The following PARD3B variants were observed in gnomAD, a reference collection of about 807,000 sequenced individuals.
PARD3B encodes par-3 family cell polarity regulator beta.
A neutral mutation model predicts 130.2 loss-of-function variants in PARD3B; 103 were observed. That is an observed-to-expected ratio of 0.79 (90% CI 0.67 to 0.93). The LOEUF is 0.93. Ranked by LOEUF, PARD3B falls within the 40% of genes least tolerant of loss-of-function variation. The pLI, the probability that PARD3B is intolerant of heterozygous loss-of-function variation, is 0.00. For synonymous variants in PARD3B, 583 were observed against 553.2 expected, an observed-to-expected ratio of 1.05 and a Z score of -0.76; for missense variants, 1,609 against 1,499.2, an observed-to-expected ratio of 1.07 and a Z score of -1.21.
At chr2:204,734,428 A>G (rs1403664020) in intron 2 of PARD3B, among the ~76,000 whole-genome samples, 3 of 152,180 alleles carry the variant, frequency 2.0e-5, no homozygotes, top group Admixed American at 6.6e-5. Context: ...AATGAAACTT[A>G]TGGTCCCACA....
intron 2 of PARD3B, among the ~76,000 whole-genome samples, chr2:204,704,531 TA>T (rs2125283902): frequency 6.6e-6 from 1 of 152,272 alleles, no homozygotes; most frequent in Non-Finnish European, 1.5e-5. Context: ...ATCAAACAGT[TA>T]AAGGTGGAAA....
Position 205,253,591 on chromosome 2 carries a change from AAGAC to A in PARD3B, c.2185+7773_2185+7776del, listed in dbSNP as rs1490717486. On this transcript the variant is annotated intron_variant, in intron 16 of 22. Coordinates refer to ENST00000406610, the MANE Select transcript of PARD3B (RefSeq NM_001302769.2). The surrounding 1 kb of genome is among the most constrained non-coding windows in gnomAD (Gnocchi z 4.4). ...CTCTGCCTCTTCAGAGCCCAGCAGA[AAGAC>A]AGAGAAAGAAGCCTCCTTGGGGTTC... The A allele has an allele frequency of 5.0e-6, 2 of 403,298 alleles. No homozygotes were observed. The highest frequency in any genetic ancestry group is 3.3e-5 in the Admixed American group (1 of 30,268). 25.0% of individuals were successfully genotyped at this position (403,298 alleles called of 1,614,324 possible). A position where few individuals can be genotyped will look rare whatever the true frequency, so the allele number is the denominator to read the frequency against.
At chr2:204,902,357 A>G (rs2046891303) in intron 2 of PARD3B, among the ~76,000 whole-genome samples, 1 of 151,692 alleles carries the variant, frequency 6.6e-6, no homozygotes, top group South Asian at 2.1e-4. Flanking sequence ...GAATAGCTAG[A>G]CGTTTTTAAG....
rs57423410 is a variant in PARD3B, at chr2:205,473,701, TATATATATAC to T, written c.3045-26193_3045-26184del. On this transcript the variant is annotated intron_variant, in intron 20 of 22. Coordinates refer to ENST00000406610, the MANE Select transcript of PARD3B (RefSeq NM_001302769.2). The surrounding 1 kb of genome is among the most constrained non-coding windows in gnomAD (Gnocchi z 4.9). ...GTGTGTATGTATATATATATATATATATATATATACACACACACGTATATAAAACCCTAAA... is the reference window on the plus strand; with the variant it reads ...GTGTGTATGTATATATATATATATATACACACACGTATATAAAACCCTAAA... Among the ~76,000 whole-genome samples, 1,307 of 126,980 alleles carry T rather than the reference TATATATATAC, an allele frequency of 0.01. 17 individuals are homozygous for T. Among genetic ancestry groups the T allele is most frequent in the African/African-American group, 0.043 (1,194 of 27,796 alleles). 83.3% of individuals were successfully genotyped at this position (126,980 alleles called of 152,430 possible).
Position 205,036,248 on chromosome 2 carries a change from T to C in PARD3B, c.395-11333T>C, listed in dbSNP as rs181218673. ...ATATAGTGGGCTATATATATAAATATATGTATATAGTGGGCTATATATATA... is the reference window on the plus strand; with the variant it reads ...ATATAGTGGGCTATATATATAAATACATGTATATAGTGGGCTATATATATA... On this transcript the variant is annotated intron_variant, in intron 3 of 22. Transcript: ENST00000406610. Among the ~76,000 whole-genome samples the C allele has an allele frequency of 3.0e-3, 440 of 146,524 alleles. 3 individuals are homozygous for C. The highest frequency in any genetic ancestry group is 0.01 in the African/African-American group (406 of 40,276).
chr2:204,621,671 T>G (rs1459680240), intron 1 of PARD3B, among the ~76,000 whole-genome samples: 1 of 152,226 alleles, frequency 6.6e-6, no homozygotes, highest in Non-Finnish European at 1.5e-5. Flanking sequence ...TAGAAACCTT[T>G]TATCTAGTTT....
intron 19 of PARD3B, among the ~76,000 whole-genome samples, chr2:205,415,192 GC>G (rs1335373160): frequency 6.6e-6 from 1 of 152,074 alleles, no homozygotes; most frequent in Non-Finnish European, 1.5e-5. Flanking sequence ...ATAGTTCACT[GC>G]TTTTGACAAT....
In PARD3B at chr2:205,282,081, G is replaced by A. The variant is rs151039164; in HGVS notation, c.2186-18449G>A. On this transcript the variant is annotated intron_variant, in intron 16 of 22. Coordinates refer to ENST00000406610, the MANE Select transcript of PARD3B (RefSeq NM_001302769.2). ...TGGAAAAACTCTTAATACAGCATTA[G>A]GGAGGTTATATAAGCAAAGAATGAT... 5.7e-3 allele frequency among the ~76,000 whole-genome samples: 860 copies of A among 152,042 alleles called. 7 individuals carry two copies. The highest frequency in any genetic ancestry group is 0.02 in the African/African-American group (825 of 41,446).
At chr2:205,157,909 C>G (rs2034277739) in intron 10 of PARD3B, among the ~76,000 whole-genome samples, 1 of 152,284 alleles carries the variant, frequency 6.6e-6, no homozygotes, top group East Asian at 1.9e-4. Flanking sequence ...ATATGATTAA[C>G]CACATACTTC....
At chr2:205,510,914 G>A (rs1022031152) in intron 21 of PARD3B, among the ~76,000 whole-genome samples, 2 of 152,168 alleles carry the variant, frequency 1.3e-5, no homozygotes, top group Non-Finnish European at 2.9e-5. Flanking sequence ...TTTTATAGAT[G>A]AGAAAACAAA....
chr2:205,054,436 A>ATATATATATT (rs1411271901), intron 4 of PARD3B, among the ~76,000 whole-genome samples: 2 of 28,440 alleles, frequency 7.0e-5, no homozygotes, highest in African/African-American at 3.0e-4. Flanking sequence ...ATATATATAT[A>ATATATATATT]TTTTTTTTTT....
At chr2:204,966,246 A>G (rs1367064134) in intron 3 of PARD3B, among the ~76,000 whole-genome samples, 1 of 152,240 alleles carries the variant, frequency 6.6e-6, no homozygotes, top group Non-Finnish European at 1.5e-5. Flanking sequence ...CTGACAATCC[A>G]TATTTTGTAC....
intron 2 of PARD3B, among the ~76,000 whole-genome samples, chr2:204,712,030 G>A (rs1001679399): frequency 6.6e-6 from 1 of 152,046 alleles, no homozygotes; most frequent in Non-Finnish European, 1.5e-5. Context: ...ACTTTTGTTT[G>A]GTAGGAAAAT....
At chr2:204,717,700 C>T (rs1324092515) in intron 2 of PARD3B, among the ~76,000 whole-genome samples, 1 of 152,154 alleles carries the variant, frequency 6.6e-6, no homozygotes, top group East Asian at 1.9e-4. Context: ...TGGGTAGTCA[C>T]AGAGCCAAAT....
intron 4 of PARD3B, among the ~76,000 whole-genome samples, chr2:205,074,850 A>G (rs1700944418): frequency 6.6e-6 from 1 of 152,188 alleles, no homozygotes; most frequent in Non-Finnish European, 1.5e-5. Flanking sequence ...CCAAGACTCC[A>G]TATTTTCCTA....
At chr2:204,858,968 T>A (rs2045072180) in intron 2 of PARD3B, among the ~76,000 whole-genome samples, 1 of 151,764 alleles carries the variant, frequency 6.6e-6, no homozygotes, top group Non-Finnish European at 1.5e-5. Flanking sequence ...AATATTCACC[T>A]GGGTTTGTCT....
chr2:205,026,271 T>C (rs559010779), intron 3 of PARD3B, among the ~76,000 whole-genome samples: 63 of 152,022 alleles, frequency 4.1e-4, no homozygotes, highest in Non-Finnish European at 7.9e-4. Context: ...CTGGGTGAAT[T>C]TGGAAAGATA....
chr2:205,487,990 G>A (rs1194975642), intron 20 of PARD3B, among the ~76,000 whole-genome samples: 2 of 152,096 alleles, frequency 1.3e-5, no homozygotes, highest in Admixed American at 6.6e-5. Flanking sequence ...GAAGGTGAAC[G>A]ATAATTAAAA....
chr2:205,167,403 A>G, intron 11 of PARD3B, among the ~76,000 whole-genome samples: 1 of 152,048 alleles, frequency 6.6e-6, no homozygotes, highest in Non-Finnish European at 1.5e-5. Context: ...TGTAGCTTTT[A>G]TTAGATTCTC....
Sources: allele counts gnomAD v4.1 joint callset (sites outside exome capture counted in the v4.1 genomes callset), GRCh38; gene constraint gnomAD v4.1.1; non-coding constraint Gnocchi (gnomAD v3.1); transcripts MANE v1.5; gene names NCBI Gene and HGNC (gene_info 2026-07-23, HGNC 2026-07-21).